The following EYA1 variants were observed in gnomAD, a reference collection of about 807,000 sequenced individuals.
The protein encoded by EYA1 is EYA transcriptional coactivator and phosphatase 1.
A neutral mutation model predicts 82.0 loss-of-function variants in EYA1; 16 were observed. That is an observed-to-expected ratio of 0.20 (90% CI 0.13 to 0.30). The LOEUF (loss-of-function observed/expected upper bound fraction) is 0.30. Among genes scored for constraint, EYA1 ranks in the 10% least tolerant of loss-of-function variants. The probability of loss-of-function intolerance (pLI) is 1.00; values close to 1 mark genes in which losing one functional copy is unlikely to be tolerated. For synonymous variants in EYA1, 261 were observed against 264.4 expected, an observed-to-expected ratio of 0.99 and a Z score of 0.12; for missense variants, 633 against 730.7, an observed-to-expected ratio of 0.87 and a Z score of 1.54.
chr8:71,328,468 C>G (rs187658616), intron 4 of EYA1, among the ~76,000 whole-genome samples: 1 of 152,294 alleles, frequency 6.6e-6, no homozygotes, highest in East Asian at 1.9e-4. Context: ...AAAACAAGAT[C>G]CTTTACAGCT....
intron 2 of EYA1, among the ~76,000 whole-genome samples, chr8:71,489,900 T>G (rs1201733418): frequency 6.6e-6 from 1 of 152,194 alleles, no homozygotes; most frequent in African/African-American, 2.4e-5. Context: ...TGCAGCTTTG[T>G]GAGTTAGGAG....
At chr8:71,389,419 T>C (rs1414340500) in intron 2 of EYA1, among the ~76,000 whole-genome samples, 1 of 152,170 alleles carries the variant, frequency 6.6e-6, no homozygotes, top group East Asian at 1.9e-4. Flanking sequence ...AAATGAGACC[T>C]GAAATTCATT....
intron 2 of EYA1, among the ~76,000 whole-genome samples, chr8:71,512,136 G>C (rs1812644466): frequency 1.3e-5 from 2 of 152,204 alleles, no homozygotes; most frequent in African/African-American, 4.8e-5. Flanking sequence ...CTAAATGAAA[G>C]AGATTGTACA....
chr8:71,465,402 C>T (rs1808702768), intron 2 of EYA1, among the ~76,000 whole-genome samples: 1 of 152,240 alleles, frequency 6.6e-6, no homozygotes, highest in East Asian at 1.9e-4. Flanking sequence ...GCAGGAAAAT[C>T]ACTCAAGGCC....
At chr8:71,468,782 C>T (rs1006329389) in intron 2 of EYA1, among the ~76,000 whole-genome samples, 38 of 152,104 alleles carry the variant, frequency 2.5e-4, no homozygotes, top group South Asian at 4.1e-4. Flanking sequence ...TTTGAGATAA[C>T]GTGCTCCTCT....
intron 2 of EYA1, among the ~76,000 whole-genome samples, chr8:71,413,336 C>A (rs1231873744): frequency 6.6e-6 from 1 of 152,210 alleles, no homozygotes; most frequent in Admixed American, 6.5e-5. Flanking sequence ...ATTGCCCTCT[C>A]AATATTCAGC....
chr8:71,222,781 C>CCTAA (rs1585851775), intron 12 of EYA1, among the ~76,000 whole-genome samples: 1 of 152,160 alleles, frequency 6.6e-6, no homozygotes, highest in East Asian at 1.9e-4. Context: ...TGTCTTTGAC[C>CCTAA]CTCAACTCGC....
intron 2 of EYA1, among the ~76,000 whole-genome samples, chr8:71,428,851 C>G (rs1805428974): frequency 6.6e-6 from 1 of 152,024 alleles, no homozygotes; most frequent in African/African-American, 2.4e-5. Context: ...AGAGAGAAAG[C>G]TGAAATCTCT....
intron 7 of EYA1, among the ~76,000 whole-genome samples, chr8:71,315,095 A>C (rs1392113473): frequency 6.6e-6 from 1 of 152,208 alleles, no homozygotes; most frequent in Non-Finnish European, 1.5e-5. Flanking sequence ...ACTCTCAAGC[A>C]CAATATTTCT....
At chr8:71,497,600 C>T (rs1811510653) in intron 2 of EYA1, among the ~76,000 whole-genome samples, 1 of 151,772 alleles carries the variant, frequency 6.6e-6, no homozygotes, top group Non-Finnish European at 1.5e-5. Flanking sequence ...GAAAAGGGCA[C>T]CCTCACACAC....
At chr8:71,269,237 G>C (rs919854812) in intron 11 of EYA1, among the ~76,000 whole-genome samples, 4 of 152,156 alleles carry the variant, frequency 2.6e-5, no homozygotes, top group Non-Finnish European at 4.4e-5. Context: ...CTGCCTTTCA[G>C]AGGATCAATC....
chr8:71,340,705 T>G (rs1240714533), intron 3 of EYA1, among the ~76,000 whole-genome samples: 1 of 152,160 alleles, frequency 6.6e-6, no homozygotes, highest in East Asian at 1.9e-4. Context: ...TATTGGAAAG[T>G]CTTATGCATT....
At chr8:71,375,730 G>A (rs1463708665) in intron 2 of EYA1, among the ~76,000 whole-genome samples, 14 of 152,076 alleles carry the variant, frequency 9.2e-5, no homozygotes, top group Admixed American at 9.2e-4. Flanking sequence ...CTGGGTTCAA[G>A]CGATTCTCCT....
chr8:71,319,311 T>C (rs1055333860), intron 6 of EYA1, among the ~76,000 whole-genome samples: 4 of 152,056 alleles, frequency 2.6e-5, no homozygotes, highest in Non-Finnish European at 5.9e-5. Flanking sequence ...TTTGTATTTT[T>C]AGTAGAGACG....
intron 6 of EYA1, among the ~76,000 whole-genome samples, 178 bp downstream of exon 6, chr8:71,321,556 A>G (rs889150397): frequency 7.9e-5 from 12 of 152,360 alleles, no homozygotes; most frequent in Admixed American, 7.8e-4. Context: ...TGACCTCAAG[A>G]TAAGGAGCTA....
At position 71,253,993 on chromosome 8, in the gene EYA1, C is replaced by G. The variant is rs1446982291; in HGVS notation, c.1051-9301G>C. Among the ~76,000 whole-genome samples the G allele has an allele frequency of 8.5e-5, 13 of 152,094 alleles. 1 individual carries two copies. Among genetic ancestry groups the G allele is most frequent in the Admixed American group, 8.5e-4 (13 of 15,252 alleles). On this transcript the variant is annotated intron_variant, in intron 11 of 17. Coordinates refer to ENST00000340726, the MANE Select transcript of EYA1 (RefSeq NM_000503.6). ...ATTATCTGCAACAGGAACTGTCAGT[C>G]TTTTTTTCTGGCAGCAAGGCTACAG...
chr8:71,532,833 C>T lies in EYA1; in HGVS notation c.33+2911G>A, dbSNP rs544746057. On this transcript the variant is annotated intron_variant, in intron 2 of 18. Transcript: ENST00000643681. Reference sequence around the variant, plus strand: ...AGGACCTTAGGTTATATGGATTTTACTTCTCTCATTTTACAGATGCAAAAA... The same window carrying T: ...AGGACCTTAGGTTATATGGATTTTATTTCTCTCATTTTACAGATGCAAAAA... Among the ~76,000 whole-genome samples, 9 of 152,266 alleles carry T rather than the reference C, an allele frequency of 5.9e-5. 1 individual carries two copies. Among genetic ancestry groups the T allele is most frequent in the South Asian group, 4.1e-4 (2 of 4,822 alleles).
chr8:71,248,859 C>T (rs1037633853), intron 11 of EYA1, among the ~76,000 whole-genome samples: 2 of 152,046 alleles, frequency 1.3e-5, no homozygotes, highest in Non-Finnish European at 2.9e-5. Flanking sequence ...GGCTTGATGG[C>T]TTATTTTGGC....
intron 6 of EYA1, among the ~76,000 whole-genome samples, chr8:71,320,879 G>A (rs911839525): frequency 3.3e-5 from 5 of 151,952 alleles, no homozygotes; most frequent in Non-Finnish European, 7.4e-5. Context: ...TTCTGTACTT[G>A]TTGCACAGAA....
Sources: gnomAD v4.1 joint callset for allele counts (sites outside exome capture counted in the v4.1 genomes callset) on GRCh38, gnomAD v4.1.1 for gene constraint, MANE v1.5 for transcripts, NCBI Gene and HGNC (gene_info 2026-07-23, HGNC 2026-07-21) for gene names.